GRHL2: variants seen among roughly 807,000 people sequenced by gnomAD.
GRHL2 encodes the protein grainyhead-like protein 2 homolog.
In GRHL2, 21 loss-of-function variants were observed where a neutral mutation model predicts 83.8. The observed-to-expected ratio is 0.25, with a 90% CI of 0.18 to 0.36. GRHL2 has a LOEUF of 0.36. GRHL2 is among the 10% of genes least tolerant of loss of function. The pLI is 1.00. For missense variants in GRHL2, 623 were observed against 781.8 expected, an observed-to-expected ratio of 0.80 and a Z score of 2.42; for synonymous variants, 280 against 278.9, an observed-to-expected ratio of 1.00 and a Z score of -0.04.
In GRHL2 at chr8:101,644,165, A is replaced by G; in HGVS notation, c.1552A>G (p.Met518Val). 1 of 1,614,160 alleles carries G rather than the reference A, an allele frequency of 6.2e-7. No homozygotes were observed. The highest frequency in any genetic ancestry group is 8.5e-7 in the Non-Finnish European group (1 of 1,179,996). Residue 518 changes from methionine to valine, a missense_variant, in exon 13 of 16, where the codon ATG becomes GTG. Met to Val is a conservative substitution (Grantham distance 21, BLOSUM62 1). Coordinates refer to ENST00000646743, the MANE Select transcript of GRHL2 (RefSeq NM_024915.4). ...CCTTGTTAAACGGATGTTCCGGCCC[A>G]TGGAAGAGGAGTTTGGTCCAGTGCC... is the stretch of plus-strand genomic sequence containing the variant. The part of the protein sequence containing the change: ...SVLVKRMFRP[M>V]EEEFGPVPSK...
intron 1 of GRHL2, among the ~76,000 whole-genome samples, chr8:101,496,030 C>T (rs1399916992): frequency 6.6e-6 from 1 of 151,554 alleles, no homozygotes; most frequent in African/African-American, 2.4e-5. Flanking sequence ...TGCCTGTAAT[C>T]TCAGCTACTT....
intron 1 of GRHL2, among the ~76,000 whole-genome samples, chr8:101,501,408 AC>A (rs1218344783): frequency 5.9e-5 from 9 of 152,138 alleles, no homozygotes; most frequent in Non-Finnish European, 2.9e-5. Context: ...AATATAACTA[AC>A]CCTGAGAGCC....
chr8:101,575,362 C>T (rs114674503), intron 6 of GRHL2, among the ~76,000 whole-genome samples: 33 of 152,260 alleles, frequency 2.2e-4, no homozygotes, highest in African/African-American at 7.2e-4. Context: ...AAGAATTCTA[C>T]TTTGCTGAAA....
chr8:101,640,892 A>G (rs1179540254), intron 12 of GRHL2, among the ~76,000 whole-genome samples: 1 of 152,228 alleles, frequency 6.6e-6, no homozygotes, highest in Non-Finnish European at 1.5e-5. Context: ...TTAAAGGCAC[A>G]CCACATACCA....
chr8:101,628,037 T>A, intron 9 of GRHL2, among the ~76,000 whole-genome samples: 1 of 152,158 alleles, frequency 6.6e-6, no homozygotes, highest in Non-Finnish European at 1.5e-5. Flanking sequence ...AGTGCTGATG[T>A]AGAAGCTGCA....
At chr8:101,652,748 T>C (rs913110318) in intron 14 of GRHL2, among the ~76,000 whole-genome samples, 1 of 152,018 alleles carries the variant, frequency 6.6e-6, no homozygotes, top group Non-Finnish European at 1.5e-5. Flanking sequence ...TTCTTCATTG[T>C]TAAAATGGAA....
intron 1 of GRHL2, among the ~76,000 whole-genome samples, chr8:101,532,834 A>G (rs531938364): frequency 1.5e-4 from 22 of 151,614 alleles, no homozygotes; most frequent in African/African-American, 5.1e-4. Context: ...TGAGAGAGAG[A>G]TAGAGAGAGA....
chr8:101,592,100 C>CTTTTTTTTTTTTTTTTTTTTTT lies in GRHL2; in HGVS notation c.1004-6956_1004-6935dup, dbSNP rs11382067. ...GTACAGCACTTTCTTTCTTTCTTTT[C>CTTTTTTTTTTTTTTTTTTTTTT]TTTTTTTTTTTTTTTTTTTTTTGAG... is the stretch of plus-strand genomic sequence containing the variant. On this transcript the variant is annotated intron_variant, in intron 7 of 15. Coordinates refer to ENST00000646743, the MANE Select transcript of GRHL2 (RefSeq NM_024915.4). Among the ~76,000 whole-genome samples, 30 of 90,302 alleles carry CTTTTTTTTTTTTTTTTTTTTTT rather than the reference C, an allele frequency of 3.3e-4. 3 individuals carry two copies. The highest frequency in any genetic ancestry group is 6.4e-4 in the African/African-American group (14 of 21,890). 59.2% of individuals were successfully genotyped at this position (90,302 alleles called of 152,430 possible). A position where few individuals can be genotyped will look rare whatever the true frequency, so the allele number is the denominator to read the frequency against.
chr8:101,642,965 G>T (rs539536077), intron 12 of GRHL2, among the ~76,000 whole-genome samples: 1 of 152,176 alleles, frequency 6.6e-6, no homozygotes, highest in South Asian at 2.1e-4. Context: ...GAACTGGTCC[G>T]GGCTCCTACA....
chr8:101,608,125 G>A (rs1049928223), intron 8 of GRHL2, among the ~76,000 whole-genome samples: 2 of 152,214 alleles, frequency 1.3e-5, no homozygotes, highest in Non-Finnish European at 2.9e-5. Flanking sequence ...ACTCTGCCAG[G>A]CAATCTATAT....
intron 13 of GRHL2, 112 bp downstream of exon 13, chr8:101,644,337 CTT>C: frequency 1.2e-6 from 1 of 800,118 alleles, no homozygotes; most frequent in Non-Finnish European, 2.1e-6. Flanking sequence ...AGCCTGGTGA[CTT>C]TCTCTTCACA....
At chr8:101,532,900 T>G (rs1810968214) in intron 1 of GRHL2, among the ~76,000 whole-genome samples, 1 of 152,146 alleles carries the variant, frequency 6.6e-6, no homozygotes. Context: ...CATGAAATCC[T>G]GGAAATTATA....
intron 9 of GRHL2, 78 bp downstream of exon 9, chr8:101,619,775 C>T (rs141444517): frequency 3.5e-6 from 4 of 1,128,866 alleles, no homozygotes; most frequent in Non-Finnish European, 5.3e-6. Flanking sequence ...TTCCTTGTCA[C>T]CTTTGCTTGT....
intron 8 of GRHL2, among the ~76,000 whole-genome samples, chr8:101,618,840 A>AT (rs926122391): frequency 1.1e-3 from 169 of 148,250 alleles, no homozygotes; most frequent in East Asian, 1.4e-3. Flanking sequence ...GTGTTATCTG[A>AT]TTTTTTTTTT....
chr8:101,616,084 C>G (rs753483168), intron 8 of GRHL2, among the ~76,000 whole-genome samples: 6 of 148,944 alleles, frequency 4.0e-5, no homozygotes, highest in Non-Finnish European at 8.9e-5. Flanking sequence ...CCCTCCCTCC[C>G]TTTCTCTTTC....
chr8:101,599,794 A>G (rs1563600742), intron 8 of GRHL2, among the ~76,000 whole-genome samples: 2 of 152,248 alleles, frequency 1.3e-5, no homozygotes, highest in Non-Finnish European at 2.9e-5. Context: ...AAAAGAAGGC[A>G]GAGTCATTGA....
rs72674237 is a variant in GRHL2, at chr8:101,559,164, C to A, written c.678+352C>A. On this transcript the variant is annotated intron_variant, in intron 4 of 15. Transcript: ENST00000646743. ...CACCTTGATCTTTTCTAGTTTGTAA[C>A]CTTCCAAATGGTAGGTAGCTAAAGG... 1.8e-3 allele frequency among the ~76,000 whole-genome samples: 278 copies of A among 151,996 alleles called. 4 individuals are homozygous for A. Among genetic ancestry groups the A allele is most frequent in the Admixed American group, 4.8e-3 (73 of 15,272 alleles).
chr8:101,524,421 G>A (rs908848697), intron 1 of GRHL2, among the ~76,000 whole-genome samples: 1 of 151,670 alleles, frequency 6.6e-6, no homozygotes, highest in Non-Finnish European at 1.5e-5. Context: ...CACGTTACAT[G>A]CTTAGCTCTT....
chr8:101,511,432 C>G (rs1810462745), intron 1 of GRHL2, among the ~76,000 whole-genome samples: 2 of 152,198 alleles, frequency 1.3e-5, no homozygotes, highest in Admixed American at 1.3e-4. Context: ...ACCTCCATCT[C>G]CTGGGTTCAA....
Sources: gnomAD v4.1 joint callset for allele counts (sites outside exome capture counted in the v4.1 genomes callset) on GRCh38, gnomAD v4.1.1 for gene constraint, MANE v1.5 for transcripts, NCBI Gene and HGNC (gene_info 2026-07-23, HGNC 2026-07-21) for gene names.